CNTNAP2: variants seen among roughly 807,000 people sequenced by gnomAD.
The protein encoded by CNTNAP2 is contactin-associated protein-like 2.
CNTNAP2 carries 98 observed loss-of-function variants against 155.2 expected under a neutral mutation model. The observed-to-expected ratio is 0.63, with a 90% CI of 0.54 to 0.75. The LOEUF (loss-of-function observed/expected upper bound fraction) is 0.75. Ranked by LOEUF, CNTNAP2 falls within the 30% of genes least tolerant of loss-of-function variation. The probability of loss-of-function intolerance (pLI) is 0.00; values close to 1 mark genes in which losing one functional copy is unlikely to be tolerated. For synonymous variants in CNTNAP2, 651 were observed against 631.2 expected (o/e 1.03, Z -0.47); for missense variants, 1,727 against 1,688.1 (o/e 1.02, Z -0.40).
At chr7:146,760,511 G>A (rs1281144333) in intron 1 of CNTNAP2, among the ~76,000 whole-genome samples, 3 of 131,134 alleles carry the variant, frequency 2.3e-5, no homozygotes, top group African/African-American at 8.6e-5. Flanking sequence ...TACAACATCT[G>A]CCTCCTGGGT....
intron 12 of CNTNAP2, among the ~76,000 whole-genome samples, chr7:147,603,330 G>C: frequency 6.6e-6 from 1 of 152,224 alleles, no homozygotes; most frequent in African/African-American, 2.4e-5. Context: ...TGTTGATGGG[G>C]TTGTTTGTTT....
At chr7:147,622,368 G>A (rs530348375) in intron 12 of CNTNAP2, among the ~76,000 whole-genome samples, 2 of 151,900 alleles carry the variant, frequency 1.3e-5, no homozygotes, top group South Asian at 4.1e-4. Flanking sequence ...GATTCTCAAG[G>A]ATAGACCATA....
chr7:146,347,715 A>G (rs1554420677), intron 1 of CNTNAP2, among the ~76,000 whole-genome samples: 1 of 152,026 alleles, frequency 6.6e-6, no homozygotes, highest in Non-Finnish European at 1.5e-5. Flanking sequence ...ACAGGCACCC[A>G]ACAAAACACC....
chr7:147,817,468 T>G (rs189919760), intron 13 of CNTNAP2, among the ~76,000 whole-genome samples: 160 of 152,254 alleles, frequency 1.1e-3, no homozygotes, highest in African/African-American at 3.6e-3. Flanking sequence ...TTTTAAAAAT[T>G]TTTAGCAAAG....
intron 13 of CNTNAP2, among the ~76,000 whole-genome samples, chr7:147,811,249 C>G (rs1254847550): frequency 6.6e-6 from 1 of 152,138 alleles, no homozygotes; most frequent in Admixed American, 6.5e-5. Flanking sequence ...CACGTGCAAC[C>G]ACGCTCAGCT....
At chr7:147,739,147 T>G (rs1205779395) in intron 13 of CNTNAP2, among the ~76,000 whole-genome samples, 2 of 152,016 alleles carry the variant, frequency 1.3e-5, no homozygotes, top group African/African-American at 4.8e-5. Flanking sequence ...TGAAGTTTTT[T>G]TTTTTTTTTT....
chr7:146,916,696 G>A (rs1796401495), intron 3 of CNTNAP2, among the ~76,000 whole-genome samples: 2 of 151,678 alleles, frequency 1.3e-5, no homozygotes, highest in African/African-American at 4.8e-5. Context: ...AGCTTATTTG[G>A]ATCTTTTCTC....
At chr7:146,798,797 ATCC>A (rs1240938882) in intron 2 of CNTNAP2, among the ~76,000 whole-genome samples, 5 of 152,206 alleles carry the variant, frequency 3.3e-5, no homozygotes, top group Admixed American at 2.6e-4. Flanking sequence ...AATGGTCATT[ATCC>A]TCATGGAGAT....
intron 12 of CNTNAP2, among the ~76,000 whole-genome samples, chr7:147,629,418 T>C (rs1262587802): frequency 7.1e-6 from 1 of 141,606 alleles, no homozygotes; most frequent in Non-Finnish European, 1.6e-5. Flanking sequence ...ATAATAATAA[T>C]AATAATAATA....
chr7:146,612,393 C>A (rs1457848680), intron 1 of CNTNAP2, among the ~76,000 whole-genome samples: 1 of 152,024 alleles, frequency 6.6e-6, no homozygotes. Flanking sequence ...CATTTCAAGA[C>A]ATAATTTTTT....
At chr7:147,956,341 C>A (rs185274941) in intron 14 of CNTNAP2, among the ~76,000 whole-genome samples, 4 of 150,196 alleles carry the variant, frequency 2.7e-5, no homozygotes, top group Non-Finnish European at 4.4e-5. Context: ...GCACATCAAT[C>A]GAACTGTTTT....
intron 1 of CNTNAP2, among the ~76,000 whole-genome samples, chr7:146,174,236 C>T (rs114786011): frequency 1.3e-5 from 2 of 150,784 alleles, no homozygotes; most frequent in Admixed American, 6.6e-5. Flanking sequence ...AGAAAAAAAA[C>T]CCAACATAAC....
chr7:146,574,299 C>T (rs1003324386), intron 1 of CNTNAP2, among the ~76,000 whole-genome samples: 6 of 152,288 alleles, frequency 3.9e-5, no homozygotes, highest in South Asian at 2.1e-4. Flanking sequence ...CATACACACA[C>T]GTTCACGCAC....
intron 1 of CNTNAP2, among the ~76,000 whole-genome samples, chr7:146,406,411 G>C (rs540206238): frequency 6.6e-6 from 1 of 152,336 alleles, no homozygotes; most frequent in South Asian, 2.1e-4. Flanking sequence ...CTTCAGACAT[G>C]GTTGAGGATT....
chr7:148,100,360 G>A (rs1448358504), intron 15 of CNTNAP2, among the ~76,000 whole-genome samples: 2 of 152,190 alleles, frequency 1.3e-5, no homozygotes, highest in Non-Finnish European at 2.9e-5. Context: ...TGTGTGTGAA[G>A]GCTTCTAGAC....
intron 1 of CNTNAP2, among the ~76,000 whole-genome samples, chr7:146,420,785 A>G (rs1796000615): frequency 6.6e-6 from 1 of 152,118 alleles, no homozygotes; most frequent in Non-Finnish European, 1.5e-5. Flanking sequence ...TATAAGACAC[A>G]TCATTAATGT....
chr7:147,090,309 T>C (rs912517612), intron 4 of CNTNAP2, among the ~76,000 whole-genome samples: 2 of 146,252 alleles, frequency 1.4e-5, no homozygotes, highest in African/African-American at 5.5e-5. Flanking sequence ...AAGACTGATA[T>C]AGAACATATA....
chr7:147,120,265 T>C (rs1801075373), intron 5 of CNTNAP2, among the ~76,000 whole-genome samples: 1 of 152,184 alleles, frequency 6.6e-6, no homozygotes, highest in East Asian at 1.9e-4. Flanking sequence ...CCAGAAAGTG[T>C]ATTAAATTCT....
rs187790110 is a variant in CNTNAP2, at chr7:147,218,994, A to G, written c.1349-81147A>G. Among the ~76,000 whole-genome samples, 223 of 152,314 alleles carry G rather than the reference A, an allele frequency of 1.5e-3. 2 individuals are homozygous for G. In the Middle Eastern group the frequency reaches 0.024, roughly 16 times the overall value. Reference sequence around the variant, plus strand: ...TACCACAGACTAATTTATAATAAACAGAAATGTATTGGCTCATAGTTCTAG... The same window carrying G: ...TACCACAGACTAATTTATAATAAACGGAAATGTATTGGCTCATAGTTCTAG... On this transcript the variant is annotated intron_variant, in intron 8 of 23. Transcript: ENST00000361727.
Sources: allele counts gnomAD v4.1 joint callset (sites outside exome capture counted in the v4.1 genomes callset), GRCh38; gene constraint gnomAD v4.1.1; transcripts MANE v1.5; gene names NCBI Gene and HGNC (gene_info 2026-07-23, HGNC 2026-07-21).